The following TICAM2 variants were observed in gnomAD, a reference collection of about 807,000 sequenced individuals.
TICAM2 encodes the protein TIR domain containing adaptor molecule 2.
In TICAM2, 8 loss-of-function variants were observed where a neutral mutation model predicts 7.3. The observed-to-expected ratio is 1.10, with a 90% CI of 0.65 to 1.99. The LOEUF is 1.99. Ranked by LOEUF, TICAM2 falls within the 30% of genes most tolerant of loss-of-function variation. The pLI is 0.00. For missense variants in TICAM2, 304 were observed against 278.8 expected, an observed-to-expected ratio of 1.09 and a Z score of -0.65; for synonymous variants, 113 against 99.6, an observed-to-expected ratio of 1.13 and a Z score of -0.80.
At chr5:115,600,878 G>A (rs1000373144) in intron 1 of TICAM2, among the ~76,000 whole-genome samples, 1 of 152,174 alleles carries the variant, frequency 6.6e-6, no homozygotes, top group Non-Finnish European at 1.5e-5. Context: ...TGGTCTAGGG[G>A]GGATTAAAGA....
intron 1 of TICAM2, among the ~76,000 whole-genome samples, chr5:115,582,813 T>G (rs1240524404): frequency 6.6e-6 from 1 of 152,208 alleles, no homozygotes; most frequent in African/African-American, 2.4e-5. Flanking sequence ...TATGCCTACA[T>G]AATTCAGGTT....
chr5:115,594,698 T>C (rs1018549821), intron 1 of TICAM2, among the ~76,000 whole-genome samples: 3 of 152,148 alleles, frequency 2.0e-5, no homozygotes, highest in Non-Finnish European at 2.9e-5. Context: ...ATATGATAGA[T>C]GTTTTGGCTA....
At chr5:115,593,546 T>C (rs1486068786) in intron 1 of TICAM2, among the ~76,000 whole-genome samples, 4 of 152,336 alleles carry the variant, frequency 2.6e-5, no homozygotes, top group African/African-American at 7.2e-5. Flanking sequence ...TGCACATATA[T>C]ATCATGTTTA....
In TICAM2 at chr5:115,578,496, C is replaced by G. The variant is rs1252368092; in HGVS notation, c.*2053G>C. The G allele has an allele frequency of 6.6e-6, 1 of 151,984 alleles. No individual in the cohort carries two copies. Among genetic ancestry groups the G allele is most frequent in the South Asian group, 2.1e-4 (1 of 4,810 alleles). 9.4% of individuals were successfully genotyped at this position (151,984 alleles called of 1,614,324 possible). On this transcript the variant is annotated 3_prime_UTR_variant, in exon 2 of 2. Transcript: ENST00000427199. ...TACAGGCGTGAGCCACCGCGCCCGG[C>G]CAACATTTTTCTTTATCATAAAAAA...
At chr5:115,592,943 C>G (rs966382845) in intron 1 of TICAM2, among the ~76,000 whole-genome samples, 1 of 152,112 alleles carries the variant, frequency 6.6e-6, no homozygotes, top group Non-Finnish European at 1.5e-5. Flanking sequence ...CAGGAGTTCA[C>G]GACCAGCCTG....
At chr5:115,597,947 T>C (rs990128034) in intron 1 of TICAM2, among the ~76,000 whole-genome samples, 2 of 152,178 alleles carry the variant, frequency 1.3e-5, no homozygotes, top group East Asian at 3.8e-4. Context: ...TGATCCTCTG[T>C]GAATGGTATA....
chr5:115,601,244 T>C (rs1167224322), intron 1 of TICAM2, among the ~76,000 whole-genome samples: 2 of 152,204 alleles, frequency 1.3e-5, no homozygotes, highest in Admixed American at 6.5e-5. Context: ...GTCCTGCACA[T>C]GTATCCCAGA....
intron 1 of TICAM2, among the ~76,000 whole-genome samples, chr5:115,598,030 C>G (rs527980282): frequency 6.6e-6 from 1 of 152,200 alleles, no homozygotes; most frequent in Non-Finnish European, 1.5e-5. Flanking sequence ...GTGTTCTTCA[C>G]ATGTACACAT....
intron 1 of TICAM2, among the ~76,000 whole-genome samples, chr5:115,582,183 G>T (rs1440417967): frequency 1.3e-5 from 2 of 151,844 alleles, no homozygotes; most frequent in Non-Finnish European, 1.5e-5. Context: ...TTGAGACAAG[G>T]TCTGGCTCTG....
intron 1 of TICAM2, among the ~76,000 whole-genome samples, chr5:115,599,207 C>T (rs1236157648): frequency 6.6e-6 from 1 of 152,088 alleles, no homozygotes; most frequent in Non-Finnish European, 1.5e-5. Flanking sequence ...CCATAAACTA[C>T]CTGCTGCTGG....
At chr5:115,591,257 T>G (rs900910760) in intron 1 of TICAM2, among the ~76,000 whole-genome samples, 1 of 152,200 alleles carries the variant, frequency 6.6e-6, no homozygotes, top group African/African-American at 2.4e-5. Flanking sequence ...ACTCCAGTTG[T>G]GTGCTTTGGG....
At chr5:115,597,179 C>T (rs190648812) in intron 1 of TICAM2, among the ~76,000 whole-genome samples, 16 of 152,360 alleles carry the variant, frequency 1.1e-4, no homozygotes, top group Non-Finnish European at 2.4e-4. Flanking sequence ...CATATTCCCA[C>T]TGCAACGCCC....
At chr5:115,599,768 G>C (rs1382806757) in intron 1 of TICAM2, among the ~76,000 whole-genome samples, 2 of 152,142 alleles carry the variant, frequency 1.3e-5, no homozygotes, top group Admixed American at 1.3e-4. Context: ...TGGATGAGAG[G>C]GAAGTCAGGA....
chr5:115,589,587 A>G (rs778313561), intron 1 of TICAM2, among the ~76,000 whole-genome samples: 13 of 152,240 alleles, frequency 8.5e-5, no homozygotes, highest in African/African-American at 9.6e-5. Context: ...ATTGGCATTT[A>G]TTTACAGTTA....
At chr5:115,598,783 CAAG>C (rs1755606345) in intron 1 of TICAM2, among the ~76,000 whole-genome samples, 1 of 151,962 alleles carries the variant, frequency 6.6e-6, no homozygotes, top group Non-Finnish European at 1.5e-5. Flanking sequence ...TTTTCTTTTA[CAAG>C]AAGGGGTGAT....
At chr5:115,584,608 T>A (rs754842415) in intron 1 of TICAM2, among the ~76,000 whole-genome samples, 1 of 152,180 alleles carries the variant, frequency 6.6e-6, no homozygotes, top group African/African-American at 2.4e-5. Context: ...GAGCCTTTTT[T>A]AAAAAAACTT....
chr5:115,601,688 T>C (rs256966), intron 1 of TICAM2, among the ~76,000 whole-genome samples: 18,421 of 152,274 alleles, frequency 0.12, 1,233 homozygotes, highest in Middle Eastern at 0.15. Context: ...AAATTATTTT[T>C]ATCCAAATTA....
rs976360220 is a variant in TICAM2 at position 115,580,333 on chromosome 5, C to A, written c.*216G>T. 1.6e-5 allele frequency: 9 copies of A among 561,008 alleles called. No individual in the cohort carries two copies. The African/African-American group carries it at 1.8e-4, about 11-fold the overall frequency. The allele number at this position is 561,008 out of a possible 1,614,324, so 34.8% of individuals were successfully genotyped here. On this transcript the variant is annotated 3_prime_UTR_variant, in exon 2 of 2. Coordinates refer to ENST00000427199, the MANE Select transcript of TICAM2 (RefSeq NM_021649.7). ...ACTAGGAAAATTGTGAAAGAAAAGT[C>A]CTTGAAACTCTGACAATGTCAAGTT...
chr5:115,593,131 A>G (rs1755373169), intron 1 of TICAM2, among the ~76,000 whole-genome samples: 1 of 152,244 alleles, frequency 6.6e-6, no homozygotes, highest in Non-Finnish European at 1.5e-5. Flanking sequence ...CGAGAGAATG[A>G]GATTCTATCT....
Sources: gnomAD v4.1 joint callset for allele counts (sites outside exome capture counted in the v4.1 genomes callset) on GRCh38, gnomAD v4.1.1 for gene constraint, MANE v1.5 for transcripts, NCBI Gene and HGNC (gene_info 2026-07-23, HGNC 2026-07-21) for gene names.